The following RDH13 variants were observed in gnomAD, a reference collection of about 807,000 sequenced individuals.
RDH13 encodes the protein retinol dehydrogenase 13, also known as retinol dehydrogenase 13 (all-trans and 9-cis).
In RDH13, 35 loss-of-function variants were observed where a neutral mutation model predicts 28.3. The ratio of observed to expected loss-of-function variants is 1.24; its 90% confidence interval spans 0.95 to 1.64. RDH13 has a LOEUF of 1.64. Ranked by LOEUF, RDH13 falls within the 40% of genes most tolerant of loss-of-function variation. RDH13 has a pLI of 0.00. For missense variants in RDH13, 514 were observed against 446.3 expected, an observed-to-expected ratio of 1.15 and a Z score of -1.37; for synonymous variants, 229 against 198.5, an observed-to-expected ratio of 1.15 and a Z score of -1.29.
chr19:55,047,290 C>G, intron 6 of RDH13, 97 bp downstream of exon 6: 1 of 1,518,694 alleles, frequency 6.6e-7, no homozygotes. Flanking sequence ...GGCATGAGGC[C>G]TCAGGGACGG....
In RDH13 at chr19:55,047,724, G is replaced by C. The variant is rs555764062; in HGVS notation, c.659-236C>G. Reference sequence around the variant, plus strand: ...GGGCTTCATAAACCCAGAACGCTGAGCTTACCCCGGGAGCCTGCATCGGTG... The same window carrying C: ...GGGCTTCATAAACCCAGAACGCTGACCTTACCCCGGGAGCCTGCATCGGTG... On this transcript the variant is annotated intron_variant, in intron 5 of 6. Transcript: ENST00000415061. Among the ~76,000 whole-genome samples, 4 of 152,320 alleles carry C rather than the reference G, an allele frequency of 2.6e-5. No homozygotes were observed. The South Asian group carries it at 8.3e-4, about 32-fold the overall frequency.
intron 5 of RDH13, chr19:55,048,080 C>A: frequency 1.3e-6 from 2 of 1,495,476 alleles, no homozygotes; most frequent in South Asian, 1.3e-5. Flanking sequence ...GCCTGCCCAA[C>A]AGCAGCAGGG....
At position 55,045,092 on chromosome 19, in the gene RDH13, C is replaced by T. The variant is rs781156210; in HGVS notation, c.978G>A (p.Glu326=). Residue 326 remains glutamate (E), a synonymous_variant, in exon 7 of 7, where the codon GAG becomes GAA. Transcript: ENST00000415061. The part of the protein sequence containing the change: ...LVGLEAPSVR[E]QPLPR ...CCAGAGGTTATCTGGGGAGGGGCTG[C>T]TCCCTCACAGAGGGAGCCTCTAAGC... 1.0e-5 allele frequency: 16 copies of T among 1,606,478 alleles called. No individual in the cohort carries two copies. The African/African-American group carries it at 2.0e-4, about 20-fold the overall frequency.
At chr19:55,047,522 G>T in intron 5 of RDH13, 34 bp from the exon 6 acceptor site, 1 of 1,577,366 alleles carries the variant, frequency 6.3e-7, no homozygotes, top group South Asian at 1.1e-5. Flanking sequence ...CTGAGGGAGG[G>T]GTCCAGCCTC....
chr19:55,056,735 G>C lies in RDH13; in HGVS notation c.258C>G (p.Thr86=), dbSNP rs1270343359. 8 of 1,613,850 alleles carry C rather than the reference G, an allele frequency of 5.0e-6. No individual in the cohort carries two copies. The highest frequency in any genetic ancestry group is 6.8e-6 in the Non-Finnish European group (8 of 1,180,014). The change falls in exon 3 of 7, where the codon ACC becomes ACG. Residue 86 remains threonine (T), a synonymous_variant. Coordinates refer to ENST00000415061, the MANE Select transcript of RDH13 (RefSeq NM_001145971.2). The stretch of plus-strand genomic sequence containing the variant: ...GCCGGGCGTTGACATGGTGATTGAG[G>C]GTCTCCCCGCGGATGTCCTTTGCTG... ...EAAAKDIRGE[T]LNHHVNARHL...
At position 55,047,467 on chromosome 19, in the gene RDH13, G is replaced by A; in HGVS notation, c.680C>T (p.Ala227Val). 4 of 1,608,752 alleles carry A rather than the reference G, an allele frequency of 2.5e-6. 1 individual carries two copies. The highest frequency in any genetic ancestry group is 2.2e-5 in the South Asian group (2 of 90,946). The change falls in exon 6 of 7, where the codon GCC becomes GTC. Residue 227 changes from alanine (A) to valine (V), a missense_variant. Ala to Val is a moderately conservative substitution (Grantham distance 64). Transcript: ENST00000415061. The stretch of plus-strand genomic sequence containing the variant: ...TGTCCTGGCCACGCCGGGGTGCAGG[G>A]CGTTGACAGTCACACCAGAGCCTGG... Reference protein sequence around the residue: ...RLQGSGVTVNALHPGVARTEL... With the variant: ...RLQGSGVTVNVLHPGVARTEL...
intron 6 of RDH13, among the ~76,000 whole-genome samples, chr19:55,045,810 G>A (rs1404441409): frequency 5.9e-5 from 9 of 151,830 alleles, no homozygotes; most frequent in Non-Finnish European, 5.9e-5. Context: ...ACTGGGTGTG[G>A]TGGCGGGTGC....
At chr19:55,056,833 TTTAAA>T (rs2075653322) in intron 2 of RDH13, 25 bp from the exon 3 acceptor site, 2 of 1,595,398 alleles carry the variant, frequency 1.3e-6, no homozygotes, top group East Asian at 2.3e-5. Context: ...TGGAAAAAGA[TTTAAA>T]TTAATAATCC....
Position 55,059,240 on chromosome 19 carries a change from G to T in RDH13, c.101C>A (p.Ala34Asp). The change falls in exon 2 of 7, where the codon GCC (alanine) becomes GAC (aspartate). Residue 34 changes from alanine (A) to aspartate (D), a missense_variant. Ala to Asp is a moderately radical substitution (Grantham distance 126, BLOSUM62 -2). Transcript: ENST00000415061. ...GATGACCGTCTTCCCAGGGATGGTG[G>T]CCTTGCTGGGGCAAGCCCCACCGGT... ...YVTGGACPSK[A>D]TIPGKTVIVT... 6.2e-7 allele frequency: 1 copy of T among 1,604,152 alleles called. No homozygotes were observed. Among genetic ancestry groups the T allele is most frequent in the South Asian group, 1.1e-5 (1 of 88,986 alleles).
chr19:55,052,211 C>T (rs1211817798), intron 3 of RDH13, among the ~76,000 whole-genome samples: 7 of 150,694 alleles, frequency 4.6e-5, no homozygotes, highest in Non-Finnish European at 1.0e-4. Context: ...CTGAGGTCAA[C>T]CAGCCTGACC....
intron 3 of RDH13, among the ~76,000 whole-genome samples, chr19:55,051,539 T>TGCTGCCC (rs1361309434): frequency 2.0e-5 from 3 of 151,386 alleles, no homozygotes; most frequent in Admixed American, 2.0e-4. Flanking sequence ...CAGGCGATTC[T>TGCTGCCC]GCTGCCTCAG....
intron 3 of RDH13, among the ~76,000 whole-genome samples, chr19:55,055,106 C>G (rs1444818191): frequency 6.6e-6 from 1 of 152,012 alleles, no homozygotes; most frequent in Non-Finnish European, 1.5e-5. Context: ...TAGAAAGATC[C>G]ATAAAAGTGA....
intron 6 of RDH13, among the ~76,000 whole-genome samples, chr19:55,045,701 T>G (rs552852517): frequency 4.6e-5 from 7 of 152,176 alleles, no homozygotes; most frequent in Non-Finnish European, 7.4e-5. Context: ...ATCCCAGCAC[T>G]TTGGGAGGCC....
chr19:55,043,920 CTTT>C (rs1555812976), downstream of RDH13, among the ~76,000 whole-genome samples: 2 of 135,250 alleles, frequency 1.5e-5, no homozygotes, highest in East Asian at 6.0e-4. Flanking sequence ...AAAGTCGGAA[CTTT>C]TTTTTTTTTT....
rs781438003 is a variant in RDH13 at position 55,048,337 on chromosome 19, C to T, written c.650G>A (p.Arg217Gln). The change falls in exon 5 of 7, where the codon CGG becomes CAG. Residue 217 changes from arginine (R) to glutamine (Q), a missense_variant. Transcript: ENST00000415061. The stretch of plus-strand genomic sequence containing the variant: ...GCCTAGCGCCCCCGTACCTTGCAGC[C>T]GCCGGCTCAGCTCCTTGGTGAAGAG... ...IVLFTKELSR[R>Q]LQGSGVTVNA... 1.4e-5 allele frequency: 22 copies of T among 1,613,962 alleles called. No homozygotes were observed. The highest frequency in any genetic ancestry group is 3.3e-5 in the South Asian group (3 of 91,086).
At chr19:55,064,804 G>A (rs1162833772), upstream of RDH13, among the ~76,000 whole-genome samples, 4 of 149,986 alleles carry the variant, frequency 2.7e-5, no homozygotes, top group South Asian at 2.1e-4. Context: ...GTAGAGACGG[G>A]GTTTCACCAT....
At chr19:55,064,768 A>G (rs1391631708), upstream of RDH13, among the ~76,000 whole-genome samples, 3 of 149,694 alleles carry the variant, frequency 2.0e-5, no homozygotes, top group African/African-American at 7.4e-5. Flanking sequence ...ACGTGTCACC[A>G]CACCCGGCTA....
rs1020333793 is a variant in RDH13 at position 55,062,826 on chromosome 19, T to C, written c.65+142A>G. Reference sequence around the variant, plus strand: ...TGACCTGGCCGGCCAGAGCGCAGGTTTGCCCCACTCCGGGCGGGCACTGCG... The same window carrying C: ...TGACCTGGCCGGCCAGAGCGCAGGTCTGCCCCACTCCGGGCGGGCACTGCG... On this transcript the variant is annotated intron_variant, in intron 1 of 6. Transcript: ENST00000415061. 33 of 676,184 alleles carry C rather than the reference T, an allele frequency of 4.9e-5. No homozygotes were observed. In the African/African-American group the frequency reaches 5.7e-4, roughly 12 times the overall value. The allele number at this position is 676,184 out of a possible 1,614,324, so 41.9% of individuals were successfully genotyped here. A position where few individuals can be genotyped will look rare whatever the true frequency, so the allele number is the denominator to read the frequency against.
chr19:55,049,528 G>A (rs796693001), intron 3 of RDH13, among the ~76,000 whole-genome samples: 48 of 152,220 alleles, frequency 3.2e-4, no homozygotes, highest in African/African-American at 1.1e-3. Flanking sequence ...AGTGGCTCAC[G>A]CCTGTAATCC....
Sources: allele counts gnomAD v4.1 joint callset (sites outside exome capture counted in the v4.1 genomes callset), GRCh38; gene constraint gnomAD v4.1.1; transcripts MANE v1.5; gene names NCBI Gene and HGNC (gene_info 2026-07-23, HGNC 2026-07-21).